Variants in HEG1 observed in about 807,000 individuals in gnomAD.
HEG1 encodes protein HEG homolog 1.
HEG1 carries 56 observed loss-of-function variants against 125.6 expected under a neutral mutation model. The ratio of observed to expected loss-of-function variants is 0.45; its 90% CI spans 0.36 to 0.56. The LOEUF (loss-of-function observed/expected upper bound fraction) is 0.56, where lower values mean the gene tolerates loss of function less well. HEG1 is among the 20% of genes least tolerant of loss of function. The pLI, the probability that HEG1 is intolerant of heterozygous loss-of-function variation, is 0.00. For missense variants in HEG1, 1,523 were observed against 1,670.0 expected (o/e 0.91, Z 1.53); for synonymous variants, 644 against 668.5 (o/e 0.96, Z 0.57).
chr3:125,038,352 G>A (rs1194237305), intron 1 of HEG1, among the ~76,000 whole-genome samples: 1 of 152,206 alleles, frequency 6.6e-6, no homozygotes, highest in African/African-American at 2.4e-5. Flanking sequence ...GCAAGCTCTT[G>A]AAGTCACTGG....
At position 125,029,489 on chromosome 3, in the gene HEG1, C is replaced by T. The variant is rs1477296743; in HGVS notation, c.317-1G>A. ...TCTGGCCAATGTTTCCAGGCAGCAT[C>T]TGAAAGAAGAAGAGGATGCATCAGG... On this transcript the variant is annotated splice_acceptor_variant, in intron 1 of 16. Transcript: ENST00000311127. LOFTEE classifies it high-confidence loss of function. The T allele has an allele frequency of 2.5e-6, 4 of 1,592,884 alleles. No homozygotes were observed. The Admixed American group carries it at 6.7e-5, about 27-fold the overall frequency.
intron 9 of HEG1, 111 bp from the exon 10 acceptor site, chr3:125,002,426 T>C: frequency 2.2e-6 from 2 of 913,244 alleles, no homozygotes; most frequent in Middle Eastern, 4.4e-4. Flanking sequence ...CATCAAGTTA[T>C]CAGCACGCGG....
chr3:124,980,454 A>C (rs780179016), intron 14 of HEG1, among the ~76,000 whole-genome samples: 2 of 152,244 alleles, frequency 1.3e-5, no homozygotes, highest in Non-Finnish European at 2.9e-5. Flanking sequence ...AGTTTTGTCT[A>C]AAAAGAGACA....
intron 14 of HEG1, among the ~76,000 whole-genome samples, chr3:124,981,503 C>A (rs1007354367): frequency 6.6e-6 from 1 of 152,196 alleles, no homozygotes; most frequent in Non-Finnish European, 1.5e-5. Flanking sequence ...GTCTCAGTCA[C>A]CCACAAGCCT....
chr3:125,048,703 G>A (rs1189492126), intron 1 of HEG1, among the ~76,000 whole-genome samples: 1 of 152,206 alleles, frequency 6.6e-6, no homozygotes, highest in East Asian at 1.9e-4. Context: ...TTAAGCCTCC[G>A]AGTAAGGTGA....
At chr3:124,973,962 A>C in intron 15 of HEG1, 57 bp from the exon 16 acceptor site, 1 of 1,168,340 alleles carries the variant, frequency 8.6e-7, no homozygotes. Flanking sequence ...GATACTGTGA[A>C]AGCACCAACT....
chr3:125,046,002 C>T (rs1285700772), intron 1 of HEG1, among the ~76,000 whole-genome samples: 1 of 152,158 alleles, frequency 6.6e-6, no homozygotes, highest in Non-Finnish European at 1.5e-5. Context: ...TCCTCAAAAA[C>T]CTTGTTAGGA....
rs1394491034 is a variant in HEG1, at chr3:124,966,331, A to C, written c.*4321T>G. ...ATAGGGTTTTCTGTGAGCAGTTTAC[A>C]CCAGATATGATGGAGTATAACGCTA... On this transcript the variant is annotated 3_prime_UTR_variant, in exon 17 of 17. Transcript: ENST00000311127. 4 of 152,220 alleles carry C rather than the reference A, an allele frequency of 2.6e-5. No individual in the cohort carries two copies. In the East Asian group the frequency reaches 7.7e-4, roughly 29 times the overall value. The allele number at this position is 152,220 out of a possible 1,614,324, so 9.4% of individuals were successfully genotyped here.
intron 14 of HEG1, among the ~76,000 whole-genome samples, chr3:124,985,738 G>T (rs1036871120): frequency 6.6e-5 from 10 of 152,216 alleles, no homozygotes; most frequent in African/African-American, 2.4e-4. Context: ...CCAGCAGGGG[G>T]TGAAGATTTG....
chr3:125,024,730 T>C, intron 3 of HEG1, among the ~76,000 whole-genome samples: 1 of 152,238 alleles, frequency 6.6e-6, no homozygotes, highest in Non-Finnish European at 1.5e-5. Context: ...TGCATGCATG[T>C]TTCTGTGTAG....
At chr3:125,037,332 G>A (rs1937556268) in intron 1 of HEG1, among the ~76,000 whole-genome samples, 1 of 152,198 alleles carries the variant, frequency 6.6e-6, no homozygotes, top group South Asian at 2.1e-4. Context: ...GGGCTTTCTG[G>A]GGTCCCCAGA....
chr3:125,024,071 A>T (rs1213782942), intron 3 of HEG1, among the ~76,000 whole-genome samples: 5 of 152,214 alleles, frequency 3.3e-5, no homozygotes, highest in Non-Finnish European at 5.9e-5. Context: ...CCTGGACCAC[A>T]GTAGCTTAGC....
At chr3:124,990,630 CG>C (rs1161908308) in intron 14 of HEG1, among the ~76,000 whole-genome samples, 156 bp downstream of exon 14, 1 of 152,084 alleles carries the variant, frequency 6.6e-6, no homozygotes, top group African/African-American at 2.4e-5. Context: ...TGAGCCACCA[CG>C]TCTGGCCTTT....
intron 1 of HEG1, among the ~76,000 whole-genome samples, chr3:125,052,346 A>C (rs1937832790): frequency 6.6e-6 from 1 of 152,186 alleles, no homozygotes; most frequent in Non-Finnish European, 1.5e-5. Flanking sequence ...GTTGGCCCAC[A>C]AAGTTAGAGC....
chr3:125,015,620 TA>T (rs1937233739), intron 5 of HEG1, among the ~76,000 whole-genome samples: 1 of 152,196 alleles, frequency 6.6e-6, no homozygotes, highest in African/African-American at 2.4e-5. Flanking sequence ...GACACATGAA[TA>T]AATGTCTGTT....
intron 12 of HEG1, among the ~76,000 whole-genome samples, chr3:124,991,259 C>G (rs948822615): frequency 6.6e-6 from 1 of 151,840 alleles, no homozygotes; most frequent in Non-Finnish European, 1.5e-5. Flanking sequence ...AAGTGATTCT[C>G]CAGCCTCAGC....
At chr3:124,971,450 C>CTT (rs11438219) in intron 16 of HEG1, among the ~76,000 whole-genome samples, 14 of 149,936 alleles carry the variant, frequency 9.3e-5, no homozygotes, top group South Asian at 4.3e-4. Flanking sequence ...CTTTCTTTTT[C>CTT]TTTTTTTACC....
chr3:124,976,925 T>C (rs1272383677), intron 15 of HEG1, among the ~76,000 whole-genome samples: 2 of 152,120 alleles, frequency 1.3e-5, no homozygotes, highest in South Asian at 2.1e-4. Flanking sequence ...GTGAGCCAAA[T>C]AAACCTTTTT....
chr3:125,021,035 C>T lies in HEG1; in HGVS notation c.1009G>A (p.Asp337Asn), dbSNP rs1937328107. The change falls in exon 4 of 17, where the codon GAT becomes AAT. Residue 337 changes from aspartate (D) to asparagine (N), a missense_variant. Coordinates refer to ENST00000311127, the MANE Select transcript of HEG1 (RefSeq NM_020733.2). ...GATCGCAGCGTTCTCGGGCCACCAT[C>T]AGTGAACACGGTGGCAACATGCATT... ...KTMHVATVFT[D>N]GGPRTLRSLT... 6.2e-7 allele frequency: 1 copy of T among 1,612,666 alleles called. No individual in the cohort carries two copies. The highest frequency in any genetic ancestry group is 8.5e-7 in the Non-Finnish European group (1 of 1,179,316).
Sources: allele counts gnomAD v4.1 joint callset (sites outside exome capture counted in the v4.1 genomes callset), GRCh38; gene constraint gnomAD v4.1.1; transcripts MANE v1.5; gene names NCBI Gene and HGNC (gene_info 2026-07-23, HGNC 2026-07-21).